APBB2: variants seen among roughly 807,000 people sequenced by gnomAD.
APBB2 encodes amyloid beta precursor protein binding family B member 2.
In APBB2, 38 loss-of-function variants were observed where a neutral mutation model predicts 82.5. The observed-to-expected ratio is 0.46, with a 90% CI of 0.36 to 0.60. The LOEUF (loss-of-function observed/expected upper bound fraction) is 0.60, where lower values mean the gene tolerates loss of function less well. Among genes scored for constraint, APBB2 ranks in the 20% least tolerant of loss-of-function variants. The pLI is 0.00. For synonymous variants in APBB2, 341 were observed against 368.2 expected, an observed-to-expected ratio of 0.93 and a Z score of 0.85; for missense variants, 772 against 972.3, an observed-to-expected ratio of 0.79 and a Z score of 2.74.
intron 1 of APBB2, chr4:41,177,466 T>C (rs1471939610): frequency 6.6e-6 from 1 of 152,262 alleles, no homozygotes; most frequent in Non-Finnish European, 1.5e-5. Context: ...GGTTTTGTTC[T>C]TAATTTTGTA....
At chr4:41,169,955 A>G (rs1220030604) in intron 1 of APBB2, among the ~76,000 whole-genome samples, 1 of 152,168 alleles carries the variant, frequency 6.6e-6, no homozygotes, top group Non-Finnish European at 1.5e-5. Flanking sequence ...TTTCATTTCT[A>G]TTAATCTAAG....
intron 6 of APBB2, among the ~76,000 whole-genome samples, chr4:40,995,746 GCTGGTCTTGAAATC>G (rs1463050311): frequency 6.6e-6 from 1 of 152,030 alleles, no homozygotes; most frequent in African/African-American, 2.4e-5. Context: ...TGTTGCCCAG[GCTGGTCTTGAAATC>G]CTAGACTTAA....
At chr4:41,062,227 C>CA in intron 4 of APBB2, among the ~76,000 whole-genome samples, 1 of 152,170 alleles carries the variant, frequency 6.6e-6, no homozygotes, top group Non-Finnish European at 1.5e-5. Context: ...GGCTGGAGTG[C>CA]AATGCCACAA....
chr4:40,852,459 T>C (rs1303779218), intron 12 of APBB2, among the ~76,000 whole-genome samples: 1 of 151,988 alleles, frequency 6.6e-6, no homozygotes, highest in Admixed American at 6.6e-5. Flanking sequence ...CTCTTCTTAG[T>C]CTGATTCTTT....
At chr4:41,000,219 G>A (rs1422966504) in intron 6 of APBB2, among the ~76,000 whole-genome samples, 3 of 151,524 alleles carry the variant, frequency 2.0e-5, no homozygotes, top group Admixed American at 6.6e-5. Flanking sequence ...CCGTGATTAC[G>A]CCACTGCACA....
At chr4:41,181,272 C>T (rs1771262268) in intron 1 of APBB2, among the ~76,000 whole-genome samples, 1 of 152,154 alleles carries the variant, frequency 6.6e-6, no homozygotes, top group Non-Finnish European at 1.5e-5. Flanking sequence ...AACTCAAGGG[C>T]CCTTTTGTTT....
chr4:41,102,749 C>T (rs1436228915), intron 2 of APBB2, among the ~76,000 whole-genome samples: 1 of 152,232 alleles, frequency 6.6e-6, no homozygotes, highest in Non-Finnish European at 1.5e-5. Context: ...AGTGGCAACC[C>T]TTCTAAAGCA....
chr4:40,939,416 TC>T (rs1317519104), intron 7 of APBB2, among the ~76,000 whole-genome samples: 3 of 152,058 alleles, frequency 2.0e-5, no homozygotes, highest in Non-Finnish European at 4.4e-5. Flanking sequence ...TACGATCTAG[TC>T]TTTCCACGAA....
At position 40,901,447 on chromosome 4, in the gene APBB2, G is replaced by T. The variant is rs534385278; in HGVS notation, c.1255-8036C>A. Among the ~76,000 whole-genome samples the T allele has an allele frequency of 4.6e-5, 7 of 152,198 alleles. No homozygotes were observed. In the East Asian group the frequency reaches 7.7e-4, roughly 17 times the overall value. On this transcript the variant is annotated intron_variant, in intron 10 of 17. Transcript: ENST00000508593. Reference sequence around the variant, plus strand: ...GAGAGATGCAGAGCCTGGTGGGGGTGGGGGGTGCTCTGTCCTCTTCAGAAG... The same window carrying T: ...GAGAGATGCAGAGCCTGGTGGGGGTTGGGGGTGCTCTGTCCTCTTCAGAAG...
chr4:40,851,738 ATTTTTTTTTT>A (rs869027470), intron 12 of APBB2, among the ~76,000 whole-genome samples: 938 of 67,742 alleles, frequency 0.014, 8 homozygotes, highest in Non-Finnish European at 0.022. Context: ...ATATATATAT[ATTTTTTTTTT>A]TTTTTTTTTT....
chr4:40,886,406 G>C (rs1404998225), intron 12 of APBB2, among the ~76,000 whole-genome samples: 1 of 152,106 alleles, frequency 6.6e-6, no homozygotes, highest in African/African-American at 2.4e-5. Context: ...CTTGAAACCG[G>C]GGGGCAAAGG....
rs546769884 is a variant in APBB2 at position 41,147,765 on chromosome 4, C to T, written c.-416-4623G>A. On this transcript the variant is annotated intron_variant, in intron 1 of 17. Coordinates refer to ENST00000508593, the MANE Select transcript of APBB2 (RefSeq NM_004307.2). ...CAGACTTTTTTGTTTTTACTAATGTCACAGGGAAGGTCTCTCCTTTTCAAG... is the reference window on the plus strand; with the variant it reads ...CAGACTTTTTTGTTTTTACTAATGTTACAGGGAAGGTCTCTCCTTTTCAAG... Among the ~76,000 whole-genome samples the T allele has an allele frequency of 1.1e-4, 16 of 152,090 alleles. No individual in the cohort carries two copies. The East Asian group carries it at 2.1e-3, about 20-fold the overall frequency.
intron 4 of APBB2, among the ~76,000 whole-genome samples, chr4:41,035,124 T>A (rs985808439): frequency 6.6e-6 from 1 of 152,212 alleles, no homozygotes; most frequent in Non-Finnish European, 1.5e-5. Context: ...ATATGCGTAA[T>A]GCACTTCCAT....
Position 40,832,051 on chromosome 4 carries a change from CAT to C in APBB2, c.1530-1476_1530-1475del, listed in dbSNP as rs1193961587. Among the ~76,000 whole-genome samples the C allele has an allele frequency of 1.9e-4, 29 of 149,326 alleles. No homozygotes were observed. The highest frequency in any genetic ancestry group is 3.9e-4 in the African/African-American group (16 of 41,122). On this transcript the variant is annotated intron_variant, in intron 12 of 17. Transcript: ENST00000508593. The surrounding 1 kb of genome is among the most constrained non-coding windows in gnomAD (Gnocchi z 4.8). ...ACACACACACACACACACACACACA[CAT>C]ATACACCAAGCTTTACCCATCTAGG...
intron 6 of APBB2, among the ~76,000 whole-genome samples, chr4:40,947,630 C>T (rs1370320532): frequency 6.6e-6 from 1 of 152,222 alleles, no homozygotes; most frequent in Non-Finnish European, 1.5e-5. Flanking sequence ...GAGGTTTATT[C>T]TGTTGCTAGA....
chr4:40,962,422 T>G (rs1793527567), intron 6 of APBB2, among the ~76,000 whole-genome samples: 1 of 152,130 alleles, frequency 6.6e-6, no homozygotes, highest in Non-Finnish European at 1.5e-5. Flanking sequence ...AACTATTTGG[T>G]GTCTAAATTG....
In APBB2 at chr4:41,022,430, G is replaced by A. The variant is rs369904870; in HGVS notation, c.20-8032C>T. Among the ~76,000 whole-genome samples the A allele has an allele frequency of 2.4e-4, 36 of 152,270 alleles. 1 individual carries two copies. The South Asian group carries it at 5.2e-3, about 22-fold the overall frequency. ...CAGAGGCACATGGAATGCTCTGATC[G>A]CATACATCATCTTCCTTGTCCCTCC... On this transcript the variant is annotated intron_variant, in intron 5 of 17. Coordinates refer to ENST00000508593, the MANE Select transcript of APBB2 (RefSeq NM_004307.2).
chr4:41,110,084 C>G (rs1330844374), intron 2 of APBB2, among the ~76,000 whole-genome samples: 1 of 151,086 alleles, frequency 6.6e-6, no homozygotes, highest in Non-Finnish European at 1.5e-5. Context: ...AGACTCCACC[C>G]AGAGACCACC....
intron 6 of APBB2, among the ~76,000 whole-genome samples, chr4:41,011,971 T>C (rs1474273060): frequency 6.6e-6 from 1 of 152,128 alleles, no homozygotes; most frequent in African/African-American, 2.4e-5. Context: ...CAAGTGATCC[T>C]CCTGCCTCAG....
Sources: allele counts gnomAD v4.1 joint callset (sites outside exome capture counted in the v4.1 genomes callset), GRCh38; gene constraint gnomAD v4.1.1; non-coding constraint Gnocchi (gnomAD v3.1); transcripts MANE v1.5; gene names NCBI Gene and HGNC (gene_info 2026-07-23, HGNC 2026-07-21).